ZNF438: variants seen among roughly 807,000 people sequenced by gnomAD.
ZNF438 encodes zinc finger protein 438.
Under a neutral mutation model 38.0 loss-of-function variants are expected in ZNF438, and 25 were observed. The ratio of observed to expected loss-of-function variants is 0.66; its 90% CI spans 0.48 to 0.92. ZNF438 has a LOEUF of 0.92. ZNF438 is among the 40% of genes least tolerant of loss of function. The pLI is 0.00. For synonymous variants in ZNF438, 372 were observed against 364.1 expected (o/e 1.02, Z -0.25); for missense variants, 1,007 against 999.6 (o/e 1.01, Z -0.10).
intron 1 of ZNF438, among the ~76,000 whole-genome samples, chr10:31,016,347 A>G (rs1354197434): frequency 2.6e-5 from 4 of 152,358 alleles, no homozygotes; most frequent in Non-Finnish European, 5.9e-5. Context: ...AAAAGCTTCA[A>G]CTGAAAAAAA....
chr10:30,850,335 T>C (rs1469647409), exon 5 of ZNF438: 1 of 1,613,830 alleles, frequency 6.2e-7, no homozygotes, highest in South Asian at 1.1e-5. Context: ...CCTTTCCTAC[T>C]CTGTATTGTT....
At chr10:30,959,366 GCAA>G (rs1262667969) in intron 1 of ZNF438, among the ~76,000 whole-genome samples, 1 of 146,474 alleles carries the variant, frequency 6.8e-6, no homozygotes, top group Non-Finnish European at 1.5e-5. Flanking sequence ...GACTTCATCT[GCAA>G]CATTGGCTCT....
At chr10:30,917,220 A>G (rs1178887432) in intron 2 of ZNF438, among the ~76,000 whole-genome samples, 3 of 152,094 alleles carry the variant, frequency 2.0e-5, no homozygotes, top group African/African-American at 7.2e-5. Context: ...GAATAACCAC[A>G]GTCTGTTTAT....
At chr10:30,906,998 T>C (rs924313762) in intron 3 of ZNF438, among the ~76,000 whole-genome samples, 7 of 152,208 alleles carry the variant, frequency 4.6e-5, no homozygotes, top group Admixed American at 3.9e-4. Context: ...GTTTAAGACA[T>C]AGTCTTGCTC....
chr10:30,898,397 C>A (rs1216358692), intron 3 of ZNF438, among the ~76,000 whole-genome samples: 1 of 152,096 alleles, frequency 6.6e-6, no homozygotes, highest in Non-Finnish European at 1.5e-5. Flanking sequence ...TTCTGATCTC[C>A]TTTGCCCTTA....
intron 1 of ZNF438, among the ~76,000 whole-genome samples, chr10:30,965,325 C>T (rs1288870417): frequency 6.6e-6 from 1 of 152,150 alleles, no homozygotes; most frequent in Non-Finnish European, 1.5e-5. Flanking sequence ...AATTCTTATA[C>T]ACTGCTGGTG....
rs147460093 is a variant in ZNF438 at position 30,845,256 on chromosome 10, T to C, written c.2192A>G (p.His731Arg). Reference sequence around the variant, plus strand: ...CATTTCCACGCCATTCTGATGAAGGTGGAGCTGCCTTTTCAGTCTTGGACA... The same window carrying C: ...CATTTCCACGCCATTCTGATGAAGGCGGAGCTGCCTTTTCAGTCTTGGACA... Residue 731 changes from histidine to arginine, a missense_variant, in exon 6 of 6, where the codon CAC (histidine) becomes CGC (arginine). Transcript: ENST00000413025. The C allele has an allele frequency of 1.5e-5, 25 of 1,613,962 alleles. No homozygotes were observed. The African/African-American group carries it at 3.2e-4, about 21-fold the overall frequency.
chr10:30,988,038 T>C (rs1353454273), intron 1 of ZNF438, among the ~76,000 whole-genome samples: 1 of 152,200 alleles, frequency 6.6e-6, no homozygotes, highest in Non-Finnish European at 1.5e-5. Flanking sequence ...TTGGTTAAGA[T>C]GTTTAAAAGA....
intron 3 of ZNF438, among the ~76,000 whole-genome samples, chr10:30,887,876 C>T (rs2040168940): frequency 1.3e-5 from 2 of 152,180 alleles, no homozygotes. Context: ...TGTTTTCTGT[C>T]ACTATAAATT....
chr10:31,007,480 T>C (rs1776632), intron 1 of ZNF438, among the ~76,000 whole-genome samples: 113,581 of 151,906 alleles, frequency 0.75, 43,091 homozygotes, highest in African/African-American at 0.83. Flanking sequence ...CAGGGTTTCA[T>C]CATGTTGGTC....
intron 1 of ZNF438, among the ~76,000 whole-genome samples, chr10:30,951,395 C>T (rs1042276310): frequency 4.6e-4 from 70 of 150,856 alleles, no homozygotes; most frequent in African/African-American, 1.2e-3. Context: ...GAAGTTCTGG[C>T]CAGGGCAATT....
chr10:30,938,609 A>G (rs1256833766), intron 2 of ZNF438, among the ~76,000 whole-genome samples: 3 of 152,080 alleles, frequency 2.0e-5, no homozygotes, highest in Non-Finnish European at 2.9e-5. Context: ...AGCTAAGTGA[A>G]ATCCCACCAG....
At chr10:30,924,882 T>C (rs2044732924) in intron 2 of ZNF438, among the ~76,000 whole-genome samples, 1 of 152,214 alleles carries the variant, frequency 6.6e-6, no homozygotes, top group Admixed American at 6.5e-5. Context: ...TGTAGTTTAG[T>C]TAATATTAGT....
intron 4 of ZNF438, among the ~76,000 whole-genome samples, chr10:30,876,109 C>T (rs966589198): frequency 6.6e-6 from 1 of 152,192 alleles, no homozygotes; most frequent in Non-Finnish European, 1.5e-5. Flanking sequence ...GACTGAGTTT[C>T]AAATCCAGAT....
chr10:30,890,134 T>G (rs900249674), intron 3 of ZNF438, among the ~76,000 whole-genome samples: 2 of 151,390 alleles, frequency 1.3e-5, no homozygotes, highest in Non-Finnish European at 2.9e-5. Context: ...AGAATATACT[T>G]AGAAGTCCAA....
intron 1 of ZNF438, among the ~76,000 whole-genome samples, chr10:31,014,860 G>GTA (rs3054683): frequency 4.9e-4 from 73 of 149,570 alleles, no homozygotes; most frequent in Middle Eastern, 3.5e-3. Context: ...GTGTGTGTGT[G>GTA]TATATATATA....
intron 2 of ZNF438, among the ~76,000 whole-genome samples, chr10:30,930,401 C>T (rs542948747): frequency 3.0e-4 from 45 of 152,148 alleles, no homozygotes; most frequent in East Asian, 1.9e-3. Context: ...TGCGCAGCCC[C>T]GGTTCCCACC....
upstream of ZNF438, chr10:31,032,026 C>T (rs1310832151): frequency 6.6e-6 from 1 of 152,136 alleles, no homozygotes; most frequent in African/African-American, 2.4e-5. Flanking sequence ...ACACCCCGCG[C>T]AGGCGCAGAC....
chr10:30,952,588 G>A (rs1166497282), intron 1 of ZNF438, among the ~76,000 whole-genome samples: 11 of 136,140 alleles, frequency 8.1e-5, no homozygotes, highest in African/African-American at 1.9e-4. Context: ...AAAAGTGGGC[G>A]AAGGACATGA....
Sources: allele counts gnomAD v4.1 joint callset (sites outside exome capture counted in the v4.1 genomes callset), GRCh38; gene constraint gnomAD v4.1.1; transcripts MANE v1.5; gene names NCBI Gene and HGNC (gene_info 2026-07-23, HGNC 2026-07-21).